The following PATJ variants were observed in gnomAD, a reference collection of about 807,000 sequenced individuals.
The protein encoded by PATJ is PATJ crumbs cell polarity complex component.
PATJ carries 190 observed loss-of-function variants against 224.9 expected under a neutral mutation model. The observed-to-expected ratio is 0.84, with a 90% CI of 0.75 to 0.95. The LOEUF (loss-of-function observed/expected upper bound fraction) is 0.95. Among genes scored for constraint, PATJ ranks in the 40% least tolerant of loss-of-function variants. PATJ has a pLI of 0.00. For synonymous variants in PATJ, 769 were observed against 820.3 expected (o/e 0.94, Z 1.07); for missense variants, 2,121 against 2,270.3 (o/e 0.93, Z 1.34).
chr1:62,034,526 G>A lies in PATJ; in HGVS notation c.3960-3451G>A, dbSNP rs150091634. Among the ~76,000 whole-genome samples, 247 of 151,716 alleles carry A rather than the reference G, an allele frequency of 1.6e-3. 1 individual carries two copies. The highest frequency in any genetic ancestry group is 5.2e-3 in the African/African-American group (215 of 41,344). ...AATCATAGGATATGAGGGCTCAAAG[G>A]TTCTCCAGATGTCATCCAGGCCCCA... On this transcript the variant is annotated intron_variant, in intron 29 of 43. Coordinates refer to ENST00000642238, the MANE Select transcript of PATJ (RefSeq NM_001350145.3).
intron 33 of PATJ, among the ~76,000 whole-genome samples, chr1:62,087,008 G>A (rs921336353): frequency 2.0e-5 from 3 of 152,176 alleles, no homozygotes; most frequent in African/African-American, 7.2e-5. Flanking sequence ...CCCTTGCCTT[G>A]TTGCATGGGG....
rs1226099882 is a variant in PATJ, at chr1:61,787,755, A to G, written c.851A>G (p.Asp284Gly). 6.2e-7 allele frequency: 1 copy of G among 1,611,374 alleles called. No individual in the cohort carries two copies. The highest frequency in any genetic ancestry group is 8.5e-7 in the Non-Finnish European group (1 of 1,177,638). Reference protein sequence around the residue: ...TIVPGGLADRDGRLQTGDHIL... With the variant: ...TIVPGGLADRGGRLQTGDHIL... ...AATAATTTTGTCTTTTTCTTGAAGG[A>G]TGGAAGACTCCAGACAGGGGACCAC... Residue 284 changes from aspartate to glycine, a missense_variant and splice_region_variant, in exon 8 of 44, where the codon GAT becomes GGT. Physicochemically the swap from Asp to Gly is moderately conservative, Grantham distance 94. Coordinates refer to ENST00000642238, the MANE Select transcript of PATJ (RefSeq NM_001350145.3).
intron 31 of PATJ, among the ~76,000 whole-genome samples, chr1:62,059,542 G>A (rs113264342): frequency 1.3e-5 from 2 of 151,902 alleles, no homozygotes; most frequent in South Asian, 2.1e-4. Flanking sequence ...GCTTGAACCC[G>A]GGAGACGGAG....
intron 1 of PATJ, among the ~76,000 whole-genome samples, chr1:61,743,000 C>T (rs1644840943): frequency 6.6e-6 from 1 of 152,140 alleles, no homozygotes; most frequent in Non-Finnish European, 1.5e-5. Context: ...CTGTTTCGCT[C>T]CCAGAGCTGG....
chr1:61,823,110 C>G (rs776567236), intron 15 of PATJ, 31 bp downstream of exon 15: 1 of 1,611,258 alleles, frequency 6.2e-7, no homozygotes, highest in South Asian at 1.1e-5. Flanking sequence ...AAGACACAGG[C>G]AAGAATCTGT....
intron 30 of PATJ, among the ~76,000 whole-genome samples, chr1:62,048,361 C>T (rs1029752049): frequency 3.9e-5 from 6 of 151,936 alleles, no homozygotes; most frequent in Non-Finnish European, 8.8e-5. Flanking sequence ...GTCTAGCCAA[C>T]ATGGCGAAAC....
chr1:61,918,734 A>C (rs904609562), intron 26 of PATJ, among the ~76,000 whole-genome samples: 2 of 152,074 alleles, frequency 1.3e-5, no homozygotes, highest in Non-Finnish European at 2.9e-5. Flanking sequence ...AGGCCTAAGT[A>C]GGAGGATTGC....
rs1237838685 is a variant in PATJ, at chr1:61,791,403, G to T, written c.1124G>T (p.Ser375Ile). ...GAGCTTGTGAGAAAAGATGGGCAGA[G>T]TCTTGGAATTAGAATTGTTGGCTAT... is the stretch of plus-strand genomic sequence containing the variant. ...NVELVRKDGQ[S>I]LGIRIVGYVG... is the part of the protein sequence containing the mutation. Residue 375 changes from serine (S) to isoleucine (I), a missense_variant, in exon 9 of 44, where the codon AGT becomes ATT. Physicochemically the swap from Ser to Ile is moderately radical, Grantham distance 142 (BLOSUM62 -2). Coordinates refer to ENST00000642238, the MANE Select transcript of PATJ (RefSeq NM_001350145.3). 1.2e-6 allele frequency: 2 copies of T among 1,612,084 alleles called. No individual in the cohort carries two copies. The highest frequency in any genetic ancestry group is 1.7e-6 in the Non-Finnish European group (2 of 1,178,434).
intron 12 of PATJ, 92 bp downstream of exon 12, chr1:61,801,861 G>C (rs1488322056): frequency 1.1e-6 from 1 of 910,144 alleles, no homozygotes; most frequent in African/African-American, 1.7e-5. Context: ...AGAAATCTTA[G>C]AGGCATTTTG....
intron 11 of PATJ, among the ~76,000 whole-genome samples, chr1:61,797,906 G>C (rs1651681750): frequency 6.6e-6 from 1 of 151,502 alleles, no homozygotes; most frequent in African/African-American, 2.4e-5. Flanking sequence ...GGGTTCAAGT[G>C]ATTCTCGTGC....
intron 42 of PATJ, among the ~76,000 whole-genome samples, chr1:62,150,524 G>T (rs1200831840): frequency 2.0e-5 from 3 of 151,912 alleles, no homozygotes; most frequent in Non-Finnish European, 4.4e-5. Context: ...AGTTTTAAGA[G>T]AACTGGATCC....
chr1:62,121,000 G>A (rs567199942), intron 37 of PATJ, 181 bp from the exon 38 acceptor site: 47 of 489,990 alleles, frequency 9.6e-5, no homozygotes, highest in Non-Finnish European at 1.5e-4. Context: ...TGTCTAAATG[G>A]GATTGGGTTG....
chr1:62,106,545 TTTGTCTATC>T (rs1430581260), intron 33 of PATJ, among the ~76,000 whole-genome samples: 1 of 151,784 alleles, frequency 6.6e-6, no homozygotes, highest in Non-Finnish European at 1.5e-5. Flanking sequence ...GTGTGTGTAT[TTTGTCTATC>T]TTGTCACATT....
At chr1:62,032,231 A>G (rs939463003) in intron 29 of PATJ, among the ~76,000 whole-genome samples, 2 of 152,158 alleles carry the variant, frequency 1.3e-5, no homozygotes, top group African/African-American at 2.4e-5. Context: ...GGCTGCTCTC[A>G]GCTCCTAGAG....
At chr1:62,157,387 A>C (rs1669340016) in intron 43 of PATJ, among the ~76,000 whole-genome samples, 1 of 149,350 alleles carries the variant, frequency 6.7e-6, no homozygotes, top group South Asian at 2.2e-4. Flanking sequence ...GAAATTATTT[A>C]ATTCAGCCCC....
chr1:61,913,013 T>C (rs1672916354), intron 25 of PATJ, among the ~76,000 whole-genome samples: 1 of 152,292 alleles, frequency 6.6e-6, no homozygotes, highest in African/African-American at 2.4e-5. Flanking sequence ...CATAGCACTG[T>C]ATATATGTTA....
chr1:61,767,779 C>T (rs1163999362), intron 4 of PATJ, among the ~76,000 whole-genome samples: 2 of 150,652 alleles, frequency 1.3e-5, no homozygotes, highest in East Asian at 2.0e-4. Context: ...TGGGTTCAAG[C>T]GATTCTCCTG....
At chr1:61,871,424 TAC>T (rs1311864370) in intron 20 of PATJ, among the ~76,000 whole-genome samples, 1 of 59,962 alleles carries the variant, frequency 1.7e-5, no homozygotes, top group South Asian at 6.2e-4. Flanking sequence ...CATATATATG[TAC>T]ATATATATGT....
chr1:61,752,378 A>G (rs576642780), intron 1 of PATJ, among the ~76,000 whole-genome samples: 22 of 148,370 alleles, frequency 1.5e-4, no homozygotes, highest in Non-Finnish European at 2.5e-4. Flanking sequence ...CAATGGCACA[A>G]TCTTGGCTCA....
Sources: gnomAD v4.1 joint callset for allele counts (sites outside exome capture counted in the v4.1 genomes callset) on GRCh38, gnomAD v4.1.1 for gene constraint, MANE v1.5 for transcripts, NCBI Gene and HGNC (gene_info 2026-07-23, HGNC 2026-07-21) for gene names.